CELF1: variants seen among roughly 807,000 people sequenced by gnomAD.
The protein encoded by CELF1 is 50 kDa nuclear polyadenylated RNA-binding protein.
Under a neutral mutation model 61.8 loss-of-function variants are expected in CELF1, and 10 were observed. The observed-to-expected ratio is 0.16, with a 90% CI of 0.10 to 0.27. CELF1 has a LOEUF of 0.27. Ranked by LOEUF, CELF1 falls within the 10% of genes least tolerant of loss-of-function variation. The pLI is 1.00. For synonymous variants in CELF1, 236 were observed against 225.1 expected (o/e 1.05, Z -0.43); for missense variants, 380 against 639.1 (o/e 0.59, Z 4.37).
At chr11:47,552,832 G>A (rs1037075673) in intron 1 of CELF1, among the ~76,000 whole-genome samples, 160 bp downstream of exon 1, 4 of 152,262 alleles carry the variant, frequency 2.6e-5, no homozygotes, top group Admixed American at 1.3e-4. Flanking sequence ...GGAGGAGATC[G>A]CAGCCCTACC....
At chr11:47,479,376 C>T (rs954030978) in intron 9 of CELF1, among the ~76,000 whole-genome samples, 1 of 152,216 alleles carries the variant, frequency 6.6e-6, no homozygotes, top group African/African-American at 2.4e-5. Flanking sequence ...CAGATTGTTT[C>T]CATCTGGATA....
rs559687269 is a variant in CELF1, at chr11:47,498,397, C to T, written c.71+1056G>A. Among the ~76,000 whole-genome samples, 5 of 152,116 alleles carry T rather than the reference C, an allele frequency of 3.3e-5. No individual in the cohort carries two copies. In the South Asian group the frequency reaches 8.3e-4, roughly 25 times the overall value. On this transcript the variant is annotated intron_variant, in intron 3 of 14. Transcript: ENST00000687097. ...TCCAGCCTGGGCAACAAAGCAAGAC[C>T]CTGTTTCAAAAACAGAGAGAGAAAG...
Position 47,488,868 on chromosome 11 carries a change from C to T in CELF1, c.228G>A (p.Arg76=). 1 of 1,589,938 alleles carries T rather than the reference C, an allele frequency of 6.3e-7. No individual in the cohort carries two copies. The highest frequency in any genetic ancestry group is 8.5e-7 in the Non-Finnish European group (1 of 1,169,996). The change falls in exon 4 of 15, where the codon AGG becomes AGA. Residue 76 remains arginine, a synonymous_variant. Coordinates refer to ENST00000687097, the MANE Select transcript of CELF1 (RefSeq NM_001376376.1). ...YGAVYEINVL[R]DRSQNPPQSK... Reference sequence around the variant, plus strand: ...TCTGAGGCGGGTTTTGGCTCCTATCCCTTAGGACGTTGATTTCATACACAG... The same window carrying T: ...TCTGAGGCGGGTTTTGGCTCCTATCTCTTAGGACGTTGATTTCATACACAG...
intron 1 of CELF1, 31 bp from the exon 2 acceptor site, chr11:47,500,963 AACAC>A (rs1272376719): frequency 7.5e-6 from 3 of 398,432 alleles, no homozygotes; most frequent in Non-Finnish European, 1.3e-5. Flanking sequence ...TGAACTACTA[AACAC>A]ACAGAGTTAA....
intron 3 of CELF1, among the ~76,000 whole-genome samples, chr11:47,497,847 T>C (rs906100671): frequency 3.3e-5 from 5 of 152,162 alleles, no homozygotes; most frequent in Non-Finnish European, 7.3e-5. Context: ...GTCCAATCTC[T>C]TAAAAGATTA....
chr11:47,533,510 T>C (rs1360648263), intron 1 of CELF1, among the ~76,000 whole-genome samples: 3 of 152,028 alleles, frequency 2.0e-5, no homozygotes, highest in Non-Finnish European at 4.4e-5. Context: ...TAGTCCCAGC[T>C]ACTCAGGAGG....
chr11:47,519,609 TA>T (rs1428129448), intron 1 of CELF1, among the ~76,000 whole-genome samples: 1 of 152,124 alleles, frequency 6.6e-6, no homozygotes, highest in African/African-American at 2.4e-5. Context: ...CTCACGCCTA[TA>T]ATCCCAGCAC....
chr11:47,493,486 C>G (rs1327475973), intron 3 of CELF1, among the ~76,000 whole-genome samples: 5 of 131,274 alleles, frequency 3.8e-5, no homozygotes, highest in African/African-American at 1.5e-4. Context: ...CCAGCCTGGG[C>G]GACAGAGCAA....
rs533058917 is a variant in CELF1 at position 47,530,869 on chromosome 11, T to A, written c.-154+22123A>T. Among the ~76,000 whole-genome samples, 35 of 151,490 alleles carry A rather than the reference T, an allele frequency of 2.3e-4. 1 individual carries two copies. The highest frequency in any genetic ancestry group is 1.8e-3 in the East Asian group (9 of 5,130). ...ACTTGAGAGGTTGAGGCGGGAGGAT[T>A]GCTTGAGCCCACGAGGTCAAGGCTA... On this transcript the variant is annotated intron_variant, in intron 1 of 14. Coordinates refer to ENST00000687097, the MANE Select transcript of CELF1 (RefSeq NM_001376376.1).
At chr11:47,516,821 T>C (rs1337589502) in intron 1 of CELF1, among the ~76,000 whole-genome samples, 1 of 152,124 alleles carries the variant, frequency 6.6e-6, no homozygotes, top group African/African-American at 2.4e-5. Flanking sequence ...CAGGCTGGTT[T>C]TGAACTCCTG....
chr11:47,481,080 G>GT (rs1565765909), intron 9 of CELF1, among the ~76,000 whole-genome samples: 5 of 124,954 alleles, frequency 4.0e-5, no homozygotes, highest in Non-Finnish European at 8.8e-5. Context: ...GATAAACTGG[G>GT]GTTTTTTTTT....
intron 3 of CELF1, among the ~76,000 whole-genome samples, chr11:47,491,967 C>A (rs1048077307): frequency 6.6e-6 from 1 of 152,148 alleles, no homozygotes; most frequent in Non-Finnish European, 1.5e-5. Flanking sequence ...TATTTAATTG[C>A]CACAGGATTA....
chr11:47,531,007 G>A (rs2153689899), intron 1 of CELF1, among the ~76,000 whole-genome samples: 1 of 152,212 alleles, frequency 6.6e-6, no homozygotes. Context: ...AACACTTTGG[G>A]AGGCCGAGGC....
At position 47,471,927 on chromosome 11, in the gene CELF1, TTACA is replaced by T; in HGVS notation, c.*299_*302del. The T allele has an allele frequency of 3.8e-6, 1 of 265,082 alleles. No homozygotes were observed. The highest frequency in any genetic ancestry group is 7.5e-6 in the Non-Finnish European group (1 of 134,118). The allele number at this position is 265,082 out of a possible 1,614,324, so 16.4% of individuals were successfully genotyped here. A position where few individuals can be genotyped will look rare whatever the true frequency, so the allele number is the denominator to read the frequency against. On this transcript the variant is annotated 3_prime_UTR_variant, in exon 15 of 15. Transcript: ENST00000687097. ...GTTGGTCCTTCTCAACACACACTGG[TTACA>T]AACACAGCAAACTTTAAATAAAGGA...
At chr11:47,503,846 G>A (rs1229298788) in intron 1 of CELF1, among the ~76,000 whole-genome samples, 1 of 152,204 alleles carries the variant, frequency 6.6e-6, no homozygotes, top group African/African-American at 2.4e-5. Flanking sequence ...CTTTGTGGAA[G>A]ATTTCTGTTA....
intron 1 of CELF1, among the ~76,000 whole-genome samples, chr11:47,522,046 G>A (rs2095933791): frequency 6.6e-6 from 1 of 152,024 alleles, no homozygotes. Context: ...GAGTAGCTGG[G>A]ATTACTGGCA....
Position 47,504,850 on chromosome 11 carries a change from C to T in CELF1, c.-153-3918G>A, listed in dbSNP as rs910362658. ...CCAGGAGGCGGAGGTTGCAGTAAGCCGACACCATGCCATTGCACTCCAGCC... is the reference window on the plus strand; with the variant it reads ...CCAGGAGGCGGAGGTTGCAGTAAGCTGACACCATGCCATTGCACTCCAGCC... On this transcript the variant is annotated intron_variant, in intron 1 of 14. Transcript: ENST00000687097. Among the ~76,000 whole-genome samples, 12 of 146,222 alleles carry T rather than the reference C, an allele frequency of 8.2e-5. No homozygotes were observed. In the South Asian group the frequency reaches 1.3e-3, roughly 16 times the overall value.
chr11:47,500,424 T>C lies in CELF1; in HGVS notation c.-82+437A>G, dbSNP rs141388480. ...CCAGAAAATAAAAATGGAATAGTAA[T>C]ATTCTGCTTCTTACTAGCATACTAG... On this transcript the variant is annotated intron_variant, in intron 2 of 14. Coordinates refer to ENST00000687097, the MANE Select transcript of CELF1 (RefSeq NM_001376376.1). 7.8e-4 allele frequency among the ~76,000 whole-genome samples: 119 copies of C among 152,310 alleles called. 1 individual carries two copies. The highest frequency in any genetic ancestry group is 2.6e-3 in the African/African-American group (110 of 41,562).
intron 5 of CELF1, 131 bp downstream of exon 5, chr11:47,487,028 C>T (rs985633729): frequency 2.5e-6 from 2 of 787,660 alleles, no homozygotes; most frequent in Non-Finnish European, 4.2e-6. Flanking sequence ...CCCTTTATGT[C>T]TTCCTTTACA....
Sources: allele counts gnomAD v4.1 joint callset (sites outside exome capture counted in the v4.1 genomes callset), GRCh38; gene constraint gnomAD v4.1.1; transcripts MANE v1.5; gene names NCBI Gene and HGNC (gene_info 2026-07-23, HGNC 2026-07-21).